The following FRMPD4 variants were observed in gnomAD, a reference collection of about 807,000 sequenced individuals.
FRMPD4 encodes the protein FERM and PDZ domain-containing protein 4.
Under a neutral mutation model 94.1 loss-of-function variants are expected in FRMPD4, and 22 were observed. The observed-to-expected ratio is 0.23, with a 90% confidence interval of 0.17 to 0.33. The LOEUF (loss-of-function observed/expected upper bound fraction) is 0.33. Ranked by LOEUF, FRMPD4 falls within the 10% of genes least tolerant of loss-of-function variation. The pLI, the probability that FRMPD4 is intolerant of heterozygous loss-of-function variation, is 1.00. For missense variants in FRMPD4, 1,111 were observed against 1,339.9 expected, an observed-to-expected ratio of 0.83 and a Z score of 2.67; for synonymous variants, 631 against 548.6, an observed-to-expected ratio of 1.15 and a Z score of -2.10.
chrX:12,099,782 A>C (rs1195876385), intron 3 of FRMPD4, among the ~76,000 whole-genome samples: 1 of 112,547 alleles, frequency 8.9e-6, no homozygotes, highest in Non-Finnish European at 1.9e-5. Context: ...ACATCTCAAC[A>C]TAGGGGAAAG....
chrX:12,322,000 G>T lies in FRMPD4; in HGVS notation c.42-176680G>T, dbSNP rs928549353. Among the ~76,000 whole-genome samples the T allele has an allele frequency of 1.1e-4, 12 of 112,027 alleles. 1 individual carries two copies. The highest frequency in any genetic ancestry group is 2.1e-4 in the Non-Finnish European group (11 of 53,224). On this transcript the variant is annotated intron_variant, in intron 1 of 16. Transcript: ENST00000675598. ...AGGGGGCCTGGGTAGATGCTGTGCAGTCAGTGGGTTTGTGTCAGAGCTGAG... is the reference window on the plus strand; with the variant it reads ...AGGGGGCCTGGGTAGATGCTGTGCATTCAGTGGGTTTGTGTCAGAGCTGAG...
intron 1 of FRMPD4, among the ~76,000 whole-genome samples, chrX:12,380,384 T>G (rs1319260179): frequency 8.9e-6 from 1 of 112,382 alleles, no homozygotes; most frequent in Non-Finnish European, 1.9e-5. Context: ...AGAGGACTCA[T>G]ACCAGTTTTT....
At chrX:12,136,364 TTA>T (rs1269622397), upstream of FRMPD4, among the ~76,000 whole-genome samples, 1 of 107,920 alleles carries the variant, frequency 9.3e-6, no homozygotes, top group African/African-American at 3.4e-5. Flanking sequence ...TAAAAATAAA[TTA>T]TATAGTGTGC....
chrX:12,537,446 T>A (rs5979646), intron 2 of FRMPD4, among the ~76,000 whole-genome samples: 9 of 103,408 alleles, frequency 8.7e-5, no homozygotes, highest in African/African-American at 2.2e-4. Context: ...AATATATATT[T>A]TTTTTTTCCT....
At chrX:12,396,000 A>G in intron 1 of FRMPD4, 1 of 163,085 alleles carries the variant, frequency 6.1e-6, no homozygotes, top group Non-Finnish European at 1.2e-5. Flanking sequence ...AAGCATGTGC[A>G]GCAAAAATTC....
At chrX:12,468,889 G>T (rs1261909356) in intron 1 of FRMPD4, among the ~76,000 whole-genome samples, 2 of 112,160 alleles carry the variant, frequency 1.8e-5, no homozygotes, top group Non-Finnish European at 3.8e-5. Context: ...GTGTTGTACT[G>T]TGCCAGTTTC....
chrX:11,880,699 G>A (rs1352043223), intron 3 of FRMPD4, among the ~76,000 whole-genome samples: 1 of 111,573 alleles, frequency 9.0e-6, no homozygotes, highest in Non-Finnish European at 1.9e-5. Flanking sequence ...CTGGAATACA[G>A]TGGCACAATC....
chrX:12,410,518 C>T (rs1414268001), intron 1 of FRMPD4, among the ~76,000 whole-genome samples: 6 of 109,939 alleles, frequency 5.5e-5, no homozygotes, highest in Admixed American at 4.8e-4. Context: ...GCTTTTGCTC[C>T]TTTTATTATG....
At chrX:12,373,071 A>C (rs145007505) in intron 1 of FRMPD4, 249 of 112,145 alleles carry the variant, frequency 2.2e-3, no homozygotes, top group African/African-American at 7.8e-3. Flanking sequence ...GTTTCCTTGT[A>C]TTTTGGTCTT....
At chrX:11,868,019 CTTAT>C (rs1379058115) in intron 2 of FRMPD4, among the ~76,000 whole-genome samples, 5 of 111,716 alleles carry the variant, frequency 4.5e-5, no homozygotes, top group Middle Eastern at 4.2e-3. Context: ...CCATTATGCT[CTTAT>C]TTATTTTATT....
chrX:12,557,402 G>A (rs1189801363), intron 2 of FRMPD4, among the ~76,000 whole-genome samples: 2 of 112,020 alleles, frequency 1.8e-5, no homozygotes, highest in African/African-American at 3.2e-5. Flanking sequence ...GGAAGGCTTC[G>A]AAGAAAGCCT....
At chrX:12,575,070 T>C (rs900890168) in intron 2 of FRMPD4, among the ~76,000 whole-genome samples, 6 of 111,716 alleles carry the variant, frequency 5.4e-5, no homozygotes, top group African/African-American at 2.0e-4. Context: ...CCCTTGGCCA[T>C]CTGCTGGAAA....
At chrX:11,898,197 G>A in intron 3 of FRMPD4, among the ~76,000 whole-genome samples, 1 of 110,814 alleles carries the variant, frequency 9.0e-6, no homozygotes, top group Non-Finnish European at 1.9e-5. Context: ...ATCAGTGATT[G>A]TATTGACATT....
intron 1 of FRMPD4, among the ~76,000 whole-genome samples, chrX:12,208,253 G>A (rs1412004794): frequency 9.1e-6 from 1 of 110,102 alleles, no homozygotes; most frequent in Non-Finnish European, 1.9e-5. Context: ...CAACAGGCAG[G>A]CAAATATAAC....
intron 1 of FRMPD4, among the ~76,000 whole-genome samples, chrX:12,422,562 G>A (rs2056897411): frequency 8.9e-6 from 1 of 111,953 alleles, no homozygotes; most frequent in African/African-American, 3.3e-5. Flanking sequence ...CCAGCTCGGT[G>A]CCTGGTACCC....
intron 1 of FRMPD4, among the ~76,000 whole-genome samples, chrX:12,438,646 C>T (rs1167348493): frequency 9.0e-6 from 1 of 110,939 alleles, no homozygotes; most frequent in Non-Finnish European, 1.9e-5. Flanking sequence ...CAGTGCATCA[C>T]ATGTCACCTT....
chrX:12,498,512 A>G, intron 1 of FRMPD4, 168 bp from the exon 2 acceptor site: 1 of 506,423 alleles, frequency 2.0e-6, no homozygotes, highest in Non-Finnish European at 3.5e-6. Context: ...GCTGAATTGA[A>G]GTTGTAAACT....
intron 9 of FRMPD4, among the ~76,000 whole-genome samples, chrX:12,697,399 G>A (rs1424121208): frequency 4.5e-5 from 5 of 112,145 alleles, no homozygotes; most frequent in African/African-American, 1.6e-4. Flanking sequence ...ATAGTTATAG[G>A]CGCTGGTCAG....
intron 3 of FRMPD4, among the ~76,000 whole-genome samples, chrX:12,056,027 AT>A: frequency 9.0e-6 from 1 of 111,689 alleles, no homozygotes; most frequent in South Asian, 3.7e-4. Context: ...TAGCAGATTG[AT>A]TTTTTATACT....
Sources: gnomAD v4.1 joint callset for allele counts (sites outside exome capture counted in the v4.1 genomes callset) on GRCh38, gnomAD v4.1.1 for gene constraint, MANE v1.5 for transcripts, NCBI Gene and HGNC (gene_info 2026-07-23, HGNC 2026-07-21) for gene names.